Variants in LHFPL2 observed in about 807,000 individuals in gnomAD.
LHFPL2 encodes LHFPL tetraspan subfamily member 2 protein.
A neutral mutation model predicts 17.5 loss-of-function variants in LHFPL2; 7 were observed. That is an observed-to-expected ratio of 0.40 (90% CI 0.23 to 0.75). LHFPL2 has a LOEUF of 0.75. Among genes scored for constraint, LHFPL2 ranks in the 30% least tolerant of loss-of-function variants. The pLI is 0.37. For missense variants in LHFPL2, 241 were observed against 294.8 expected (o/e 0.82, Z 1.34); for synonymous variants, 134 against 116.2 (o/e 1.15, Z -0.99).
At chr5:78,511,249 T>C (rs533191842) in intron 3 of LHFPL2, among the ~76,000 whole-genome samples, 4 of 152,364 alleles carry the variant, frequency 2.6e-5, no homozygotes, top group African/African-American at 9.6e-5. Context: ...TCCCTTGAAT[T>C]GTCCCAATTC....
Position 78,646,799 on chromosome 5 carries a change from C to G in LHFPL2, c.-350+1700G>C, listed in dbSNP as rs144683428. Among the ~76,000 whole-genome samples, 824 of 152,304 alleles carry G rather than the reference C, an allele frequency of 5.4e-3. 2 individuals are homozygous for G. Among genetic ancestry groups the G allele is most frequent in the African/African-American group, 0.018 (765 of 41,556 alleles). ...ACATTACTTCTTCCAGAAGGCACTG[C>G]TTTGTTCTCATCTACAAAAATCCTT... On this transcript the variant is annotated intron_variant, in intron 1 of 4. Coordinates refer to ENST00000380345, the MANE Select transcript of LHFPL2 (RefSeq NM_005779.3).
intron 2 of LHFPL2, chr5:78,626,234 C>T (rs1469139172): frequency 2.0e-5 from 3 of 152,270 alleles, no homozygotes; most frequent in Non-Finnish European, 4.4e-5. Flanking sequence ...CCAAGCCTTC[C>T]TCACATGCTG....
intron 3 of LHFPL2, among the ~76,000 whole-genome samples, chr5:78,559,650 T>C (rs1756671073): frequency 6.6e-6 from 1 of 152,252 alleles, no homozygotes; most frequent in South Asian, 2.1e-4. Context: ...ATTTCTACTT[T>C]ACCATTTTTC....
At chr5:78,513,948 G>C (rs945963316) in intron 3 of LHFPL2, among the ~76,000 whole-genome samples, 1 of 152,206 alleles carries the variant, frequency 6.6e-6, no homozygotes, top group African/African-American at 2.4e-5. Flanking sequence ...CAGGACAAGG[G>C]ACCATCTGGA....
At chr5:78,572,905 G>A (rs779718752) in intron 2 of LHFPL2, among the ~76,000 whole-genome samples, 11 of 152,190 alleles carry the variant, frequency 7.2e-5, no homozygotes, top group Non-Finnish European at 1.5e-4. Context: ...TTCTCATAAG[G>A]AGCATACAAC....
Position 78,579,793 on chromosome 5 carries a change from G to A in LHFPL2, c.-244-14922C>T, listed in dbSNP as rs558033764. Among the ~76,000 whole-genome samples the A allele has an allele frequency of 6.0e-3, 910 of 152,180 alleles. 6 individuals carry two copies. The highest frequency in any genetic ancestry group is 0.017 in the South Asian group (83 of 4,814). ...AGTCTTTGCTATTGTGAATAATGCC[G>A]CAATAAACATACGTGTGCATGTGTC... On this transcript the variant is annotated intron_variant, in intron 2 of 4. Transcript: ENST00000380345.
intron 2 of LHFPL2, among the ~76,000 whole-genome samples, chr5:78,587,598 G>T (rs1267837522): frequency 6.6e-6 from 1 of 152,184 alleles, no homozygotes; most frequent in Admixed American, 6.5e-5. Flanking sequence ...GAAATCTTAT[G>T]AATTTCTCTG....
At position 78,494,575 on chromosome 5, in the gene LHFPL2, T is replaced by G. The variant is rs910550944; in HGVS notation, c.431-5422A>C. On this transcript the variant is annotated intron_variant, in intron 4 of 4. Transcript: ENST00000380345. ...AATGAAAAGCTGATGGTCAGTCACT[T>G]GGACTGCCCAACAGGTGCCACCTCC... The G allele has an allele frequency of 6.4e-6, 6 of 939,256 alleles. No homozygotes were observed. The African/African-American group carries it at 8.9e-5, about 14-fold the overall frequency. 58.2% of individuals were successfully genotyped at this position (939,256 alleles called of 1,614,324 possible).
intron 2 of LHFPL2, among the ~76,000 whole-genome samples, chr5:78,572,719 T>C (rs1424387966): frequency 1.3e-5 from 2 of 152,092 alleles, no homozygotes; most frequent in Admixed American, 6.5e-5. Context: ...TTAACAGATA[T>C]ACTATTTAAC....
chr5:78,561,582 A>G (rs1166871222), intron 3 of LHFPL2, among the ~76,000 whole-genome samples: 1 of 152,214 alleles, frequency 6.6e-6, no homozygotes, highest in African/African-American at 2.4e-5. Context: ...ACATGATAAA[A>G]CGCAGCTCAA....
At chr5:78,511,736 G>A (rs1048516095) in intron 3 of LHFPL2, among the ~76,000 whole-genome samples, 1 of 152,238 alleles carries the variant, frequency 6.6e-6, no homozygotes, top group Non-Finnish European at 1.5e-5. Flanking sequence ...TAGTGAGCAT[G>A]TGACTCTACC....
intron 2 of LHFPL2, among the ~76,000 whole-genome samples, chr5:78,622,448 G>A (rs1386901987): frequency 1.3e-5 from 2 of 152,170 alleles, no homozygotes; most frequent in Non-Finnish European, 2.9e-5. Context: ...TCTTGCAGAT[G>A]AGAAGACTAA....
At chr5:78,575,707 A>C (rs192858134) in intron 2 of LHFPL2, among the ~76,000 whole-genome samples, 2 of 152,344 alleles carry the variant, frequency 1.3e-5, no homozygotes, top group Non-Finnish European at 2.9e-5. Context: ...ATAGCTTAAG[A>C]GTTCTCTCCT....
Position 78,609,844 on chromosome 5 carries a change from TAA to T in LHFPL2, c.-245+22418_-245+22419del, listed in dbSNP as rs139554101. The stretch of plus-strand genomic sequence containing the variant: ...AAAGAAAAAAAGTCATTGGTGTACC[TAA>T]AAAAAAAAAAAAATTCTTTTTGTGG... On this transcript the variant is annotated intron_variant, in intron 2 of 4. Coordinates refer to ENST00000380345, the MANE Select transcript of LHFPL2 (RefSeq NM_005779.3). Among the ~76,000 whole-genome samples the T allele has an allele frequency of 9.3e-3, 1,360 of 145,926 alleles. 36 individuals carry two copies. The East Asian group carries it at 0.1, about 11-fold the overall frequency.
intron 4 of LHFPL2, among the ~76,000 whole-genome samples, chr5:78,501,376 G>T (rs763780121): frequency 6.6e-5 from 10 of 152,184 alleles, no homozygotes; most frequent in Admixed American, 1.3e-4. Context: ...CCTTAGCACA[G>T]AGTGGACCAG....
At chr5:78,640,086 A>T (rs143148681) in intron 1 of LHFPL2, among the ~76,000 whole-genome samples, 1,623 of 152,338 alleles carry the variant, frequency 0.011, 12 homozygotes, top group Middle Eastern at 0.024. Context: ...CAGGAGAGGA[A>T]AAAGAGTCCC....
At chr5:78,582,666 C>G (rs374023571) in intron 2 of LHFPL2, among the ~76,000 whole-genome samples, 1 of 151,972 alleles carries the variant, frequency 6.6e-6, no homozygotes, top group African/African-American at 2.4e-5. Flanking sequence ...TGTTATAATT[C>G]CTGTTCTTTT....
intron 1 of LHFPL2, among the ~76,000 whole-genome samples, chr5:78,635,500 C>A (rs993622480): frequency 2.0e-5 from 3 of 152,226 alleles, no homozygotes; most frequent in African/African-American, 7.2e-5. Context: ...CACAACCAAA[C>A]TGACTTTAAA....
At chr5:78,528,470 T>C (rs1157174050) in intron 3 of LHFPL2, among the ~76,000 whole-genome samples, 1 of 152,244 alleles carries the variant, frequency 6.6e-6, no homozygotes, top group Non-Finnish European at 1.5e-5. Context: ...TGATCTGAGA[T>C]AGTTTCATCC....
Sources: gnomAD v4.1 joint callset for allele counts (sites outside exome capture counted in the v4.1 genomes callset) on GRCh38, gnomAD v4.1.1 for gene constraint, MANE v1.5 for transcripts, NCBI Gene and HGNC (gene_info 2026-07-23, HGNC 2026-07-21) for gene names.